The following PLPP4 variants were observed in gnomAD, a reference collection of about 807,000 sequenced individuals.
The protein encoded by PLPP4 is phospholipid phosphatase 4.
In PLPP4, 20 loss-of-function variants were observed where a neutral mutation model predicts 32.2. That is an observed-to-expected ratio of 0.62 (90% CI 0.44 to 0.90). The LOEUF is 0.90. PLPP4 is among the 40% of genes least tolerant of loss of function. The pLI is 0.00. For synonymous variants in PLPP4, 127 were observed against 133.0 expected (o/e 0.95, Z 0.31); for missense variants, 257 against 353.1 (o/e 0.73, Z 2.18).
intron 6 of PLPP4, chr10:120,580,925 A>G (rs1849476151): frequency 7.8e-7 from 1 of 1,289,142 alleles, no homozygotes; most frequent in African/African-American, 1.5e-5. Flanking sequence ...CAGGGCCCAC[A>G]GTCACATTTA....
intron 6 of PLPP4, among the ~76,000 whole-genome samples, chr10:120,582,177 A>G (rs1849541682): frequency 6.6e-6 from 1 of 152,232 alleles, no homozygotes; most frequent in Admixed American, 6.5e-5. Context: ...GCTTAGAACA[A>G]CAGAAAGATA....
chr10:120,457,921 G>A (rs1453127822), intron 1 of PLPP4, among the ~76,000 whole-genome samples: 3 of 152,226 alleles, frequency 2.0e-5, no homozygotes, highest in African/African-American at 7.2e-5. Flanking sequence ...GGGGCTGCAG[G>A]CCGGGGTGGG....
chr10:120,504,054 T>C, intron 2 of PLPP4, 128 bp downstream of exon 2: 1 of 653,364 alleles, frequency 1.5e-6, no homozygotes, highest in Non-Finnish European at 2.7e-6. Flanking sequence ...GAGCAGCCCA[T>C]CAAATTAAAA....
intron 5 of PLPP4, among the ~76,000 whole-genome samples, chr10:120,529,460 T>C (rs1461791160): frequency 1.3e-5 from 2 of 152,224 alleles, no homozygotes; most frequent in Non-Finnish European, 2.9e-5. Flanking sequence ...TGGATACTGT[T>C]TAATTAATTC....
At chr10:120,499,900 G>A (rs1339596577) in intron 1 of PLPP4, among the ~76,000 whole-genome samples, 1 of 152,146 alleles carries the variant, frequency 6.6e-6, no homozygotes, top group East Asian at 1.9e-4. Context: ...GCCTGGGCAT[G>A]TCCTCTCTTG....
At chr10:120,545,326 T>C (rs1268598033) in intron 5 of PLPP4, among the ~76,000 whole-genome samples, 1 of 152,250 alleles carries the variant, frequency 6.6e-6, no homozygotes. Flanking sequence ...CCCATCTTTG[T>C]CTTTCTACTA....
intron 1 of PLPP4, among the ~76,000 whole-genome samples, chr10:120,502,648 G>A (rs1845311492): frequency 6.6e-6 from 1 of 152,170 alleles, no homozygotes. Context: ...GCTGCAAACA[G>A]CACATGCTCA....
intron 5 of PLPP4, among the ~76,000 whole-genome samples, chr10:120,572,152 G>A (rs1183798254): frequency 1.3e-5 from 2 of 152,226 alleles, no homozygotes; most frequent in Non-Finnish European, 2.9e-5. Context: ...AGGGGTCACA[G>A]TGGTGGTCCT....
In PLPP4 at chr10:120,468,266, A is replaced by C. The variant is rs1346250940; in HGVS notation, c.56+10905A>C. ...ATAGCAATGCAAGATATGGATCTGA[A>C]AACGACAAAATAACAATGAGTATAC... is the stretch of plus-strand genomic sequence containing the variant. On this transcript the variant is annotated intron_variant, in intron 1 of 6. Coordinates refer to ENST00000398250, the MANE Select transcript of PLPP4 (RefSeq NM_001030059.3). Among the ~76,000 whole-genome samples the C allele has an allele frequency of 4.6e-5, 3 of 65,390 alleles. 1 individual carries two copies. Among genetic ancestry groups the C allele is most frequent in the African/African-American group, 9.8e-5 (3 of 30,680 alleles). 42.9% of individuals were successfully genotyped at this position (65,390 alleles called of 152,430 possible).
intron 2 of PLPP4, among the ~76,000 whole-genome samples, chr10:120,512,617 C>G (rs1031665665): frequency 1.3e-5 from 2 of 152,030 alleles, no homozygotes; most frequent in African/African-American, 4.8e-5. Context: ...AAAAGAAGAG[C>G]TCTTGGCCAA....
At chr10:120,463,830 A>G (rs868864804) in intron 1 of PLPP4, among the ~76,000 whole-genome samples, 4 of 150,534 alleles carry the variant, frequency 2.7e-5, no homozygotes, top group Non-Finnish European at 4.4e-5. Flanking sequence ...TTTTTTGTAT[A>G]TATAGATAGA....
chr10:120,508,019 C>A (rs777977472), intron 2 of PLPP4, among the ~76,000 whole-genome samples: 2 of 152,098 alleles, frequency 1.3e-5, no homozygotes, highest in African/African-American at 2.4e-5. Flanking sequence ...AGAAATCCAC[C>A]CAAGGCCTAT....
chr10:120,500,272 G>A (rs1295310081), intron 1 of PLPP4, among the ~76,000 whole-genome samples: 2 of 152,174 alleles, frequency 1.3e-5, no homozygotes, highest in African/African-American at 4.8e-5. Context: ...TGGTGTACCT[G>A]GTCCCATTGC....
chr10:120,500,111 T>C (rs147336459), intron 1 of PLPP4, among the ~76,000 whole-genome samples: 2 of 152,264 alleles, frequency 1.3e-5, no homozygotes, highest in Non-Finnish European at 2.9e-5. Context: ...TCCCAGAGGA[T>C]ATAATTTGCT....
At position 120,560,628 on chromosome 10, in the gene PLPP4, A is replaced by C. The variant is rs887800758; in HGVS notation, c.446-14503A>C. ...AAATTAGCTGGATACCGTGGTGTGCACCTGTAATCCCAGCTACTCAGGAGG... is the reference window on the plus strand; with the variant it reads ...AAATTAGCTGGATACCGTGGTGTGCCCCTGTAATCCCAGCTACTCAGGAGG... On this transcript the variant is annotated intron_variant, in intron 5 of 6. Transcript: ENST00000398250. Among the ~76,000 whole-genome samples, 6 of 152,038 alleles carry C rather than the reference A, an allele frequency of 3.9e-5. No individual in the cohort carries two copies. In the South Asian group the frequency reaches 6.2e-4, roughly 16 times the overall value.
At chr10:120,582,511 A>G (rs963516274) in intron 6 of PLPP4, among the ~76,000 whole-genome samples, 6 of 152,066 alleles carry the variant, frequency 3.9e-5, no homozygotes, top group Non-Finnish European at 5.9e-5. Context: ...GTAAAACCCT[A>G]TTTCTAAATA....
intron 5 of PLPP4, among the ~76,000 whole-genome samples, chr10:120,535,388 T>C (rs1695512400): frequency 6.6e-6 from 1 of 152,214 alleles, no homozygotes; most frequent in African/African-American, 2.4e-5. Flanking sequence ...ATGTATAGTT[T>C]ATCTTGGTGG....
chr10:120,510,019 G>C (rs895584364), intron 2 of PLPP4, among the ~76,000 whole-genome samples: 2 of 152,160 alleles, frequency 1.3e-5, no homozygotes, highest in African/African-American at 2.4e-5. Flanking sequence ...ACTTCCAGCA[G>C]GTTGCTGAAC....
intron 1 of PLPP4, among the ~76,000 whole-genome samples, chr10:120,482,806 G>A (rs1007251441): frequency 1.3e-5 from 2 of 152,040 alleles, no homozygotes; most frequent in Non-Finnish European, 2.9e-5. Context: ...CAGCTACTTG[G>A]GAGGCTGAGG....
Sources: allele counts gnomAD v4.1 joint callset (sites outside exome capture counted in the v4.1 genomes callset), GRCh38; gene constraint gnomAD v4.1.1; transcripts MANE v1.5; gene names NCBI Gene and HGNC (gene_info 2026-07-23, HGNC 2026-07-21).